FBLN7: variants seen among roughly 807,000 people sequenced by gnomAD.
FBLN7 encodes the protein fibulin 7.
FBLN7 carries 31 observed loss-of-function variants against 44.0 expected under a neutral mutation model. The observed-to-expected ratio is 0.70, with a 90% CI of 0.53 to 0.95. The LOEUF (loss-of-function observed/expected upper bound fraction) is 0.95, where lower values mean the gene tolerates loss of function less well. FBLN7 is among the 40% of genes least tolerant of loss of function. FBLN7 has a pLI of 0.00. For synonymous variants in FBLN7, 262 were observed against 253.4 expected (o/e 1.03, Z -0.32); for missense variants, 573 against 618.5 (o/e 0.93, Z 0.78).
At chr2:112,229,251 G>A in the FBLN7 span, among the ~76,000 whole-genome samples, 5 of 152,048 alleles carry the variant, frequency 3.3e-5, no homozygotes, top group Non-Finnish European at 5.9e-5. Context: ...TGGGAAAAAG[G>A]GAACAACAAC....
the FBLN7 span, among the ~76,000 whole-genome samples, chr2:112,227,108 T>A: frequency 6.6e-6 from 1 of 152,242 alleles, no homozygotes; most frequent in Admixed American, 6.5e-5. Context: ...AAAGACTGAA[T>A]GCTTCTGCCA....
chr2:112,241,785 G>C, the FBLN7 span, among the ~76,000 whole-genome samples: 3 of 152,272 alleles, frequency 2.0e-5, no homozygotes, highest in East Asian at 5.8e-4. Flanking sequence ...TTAATATTCA[G>C]TGTATTAATA....
chr2:112,141,635 C>T (rs1318570529), intron 1 of FBLN7, among the ~76,000 whole-genome samples: 3 of 152,208 alleles, frequency 2.0e-5, no homozygotes, highest in African/African-American at 7.2e-5. Flanking sequence ...AAGTAAAACC[C>T]CACCTCAGAC....
chr2:112,151,647 A>G (rs1328948390), intron 1 of FBLN7: 1 of 152,144 alleles, frequency 6.6e-6, no homozygotes, highest in East Asian at 1.9e-4. Flanking sequence ...TCCCTTCTAT[A>G]TTCATATTGT....
At chr2:112,214,646 G>A in the FBLN7 span, 3 of 152,186 alleles carry the variant, frequency 2.0e-5, no homozygotes, top group East Asian at 5.8e-4. Context: ...ATGGCTCTTG[G>A]TTCAGGGAAC....
At chr2:112,199,720 C>T in the FBLN7 span, among the ~76,000 whole-genome samples, 2 of 152,172 alleles carry the variant, frequency 1.3e-5, no homozygotes, top group Non-Finnish European at 2.9e-5. Context: ...CCTCTGCCCT[C>T]ATGAATGAAT....
the FBLN7 span, among the ~76,000 whole-genome samples, chr2:112,223,364 G>GAAAC: frequency 6.6e-6 from 1 of 151,700 alleles, no homozygotes; most frequent in Non-Finnish European, 1.5e-5. Flanking sequence ...CAAATTTCTA[G>GAAAC]AAACACACAA....
the FBLN7 span, chr2:112,238,333 C>T: frequency 6.2e-7 from 1 of 1,613,574 alleles, no homozygotes. Context: ...GTATCTTTTA[C>T]TCCTTCTTTC....
rs920681551 is a variant in FBLN7 at position 112,187,748 on chromosome 2, C to T, written c.*242C>T. On this transcript the variant is annotated 3_prime_UTR_variant, in exon 8 of 8. Coordinates refer to ENST00000331203, the MANE Select transcript of FBLN7 (RefSeq NM_153214.3). This position sits in a 1 kb window ranked among gnomAD's most constrained non-coding sequence, Gnocchi z 5.1. ...TTTGAGGCCCTTCCCTTAGATTATG[C>T]ACTAACTTTCTTAAAACTTTTTCAT... 7.2e-5 allele frequency: 39 copies of T among 539,462 alleles called. No individual in the cohort carries two copies. The highest frequency in any genetic ancestry group is 1.2e-4 in the Non-Finnish European group (37 of 311,500). The allele number at this position is 539,462 out of a possible 1,614,324, so 33.4% of individuals were successfully genotyped here.
chr2:112,160,600 T>G (rs984065195), intron 2 of FBLN7, among the ~76,000 whole-genome samples: 1 of 152,060 alleles, frequency 6.6e-6, no homozygotes, highest in African/African-American at 2.4e-5. Context: ...CAGAGTTGAG[T>G]GGAAAGCACT....
chr2:112,147,398 C>T (rs1251323979), intron 1 of FBLN7, among the ~76,000 whole-genome samples: 1 of 152,232 alleles, frequency 6.6e-6, no homozygotes, highest in Admixed American at 6.5e-5. Flanking sequence ...TGCTTTGTTC[C>T]ATAATCCACT....
At chr2:112,219,717 T>A in the FBLN7 span, among the ~76,000 whole-genome samples, 3 of 152,090 alleles carry the variant, frequency 2.0e-5, no homozygotes, top group Non-Finnish European at 2.9e-5. Flanking sequence ...GAGTATGTGT[T>A]ATGTGCAGAT....
the FBLN7 span, among the ~76,000 whole-genome samples, chr2:112,229,952 A>C: frequency 1.3e-5 from 2 of 151,906 alleles, no homozygotes; most frequent in Admixed American, 6.6e-5. Flanking sequence ...CAAAAAAAAA[A>C]AACAAAAAAC....
chr2:112,236,735 A>G, the FBLN7 span: 420 of 1,536,506 alleles, frequency 2.7e-4, no homozygotes, highest in Non-Finnish European at 3.6e-4. Context: ...ACATAAAGTT[A>G]CAATAGCAGT....
At chr2:112,203,009 G>T in the FBLN7 span, among the ~76,000 whole-genome samples, 21 of 152,122 alleles carry the variant, frequency 1.4e-4, 1 homozygote, top group Admixed American at 1.4e-3. Flanking sequence ...GTTACCTCCA[G>T]AGCCAACAAG....
chr2:112,160,212 G>C (rs557768494), intron 2 of FBLN7, among the ~76,000 whole-genome samples: 213 of 151,932 alleles, frequency 1.4e-3, no homozygotes, highest in Admixed American at 3.5e-3. Context: ...GGATGGTCTC[G>C]ATCTCCTGAC....
In FBLN7 at chr2:112,187,234, A is replaced by C; in HGVS notation, c.1048A>C (p.Thr350Pro). The part of the protein sequence containing the change: ...HYLSLPSNLK[T>P]PITLFRMATA... ...CCTCTCTCTGCCTTCCAACCTGAAGACGCCCATCACGCTCTTCCGCATGGC... is the reference window on the plus strand; with the variant it reads ...CCTCTCTCTGCCTTCCAACCTGAAGCCGCCCATCACGCTCTTCCGCATGGC... The change falls in exon 8 of 8, where the codon ACG (threonine) becomes CCG (proline). Residue 350 changes from threonine to proline, a missense_variant. Physicochemically the swap from Thr to Pro is conservative, Grantham distance 38. Transcript: ENST00000331203. The surrounding 1 kb of genome is among the most constrained non-coding windows in gnomAD (Gnocchi z 5.1). 6.2e-7 allele frequency: 1 copy of C among 1,613,760 alleles called. No homozygotes were observed. The highest frequency in any genetic ancestry group is 8.5e-7 in the Non-Finnish European group (1 of 1,179,936).
chr2:112,158,461 A>G (rs1201833174), intron 1 of FBLN7, among the ~76,000 whole-genome samples: 1 of 151,576 alleles, frequency 6.6e-6, no homozygotes, highest in Non-Finnish European at 1.5e-5. Flanking sequence ...TTTGAGACAG[A>G]GTCTTGCTCT....
At chr2:112,143,372 C>T (rs370545507) in intron 1 of FBLN7, among the ~76,000 whole-genome samples, 3 of 152,192 alleles carry the variant, frequency 2.0e-5, no homozygotes, top group African/African-American at 4.8e-5. Context: ...GCCACCTCCT[C>T]GCCTGTGTGG....
Sources: allele counts gnomAD v4.1 joint callset (sites outside exome capture counted in the v4.1 genomes callset), GRCh38; gene constraint gnomAD v4.1.1; non-coding constraint Gnocchi (gnomAD v3.1); transcripts MANE v1.5; gene names NCBI Gene and HGNC (gene_info 2026-07-23, HGNC 2026-07-21).